Variants in DHRSX observed in about 807,000 individuals in gnomAD.
DHRSX encodes polyprenol dehydrogenase.
In DHRSX, 31 loss-of-function variants were observed where a neutral mutation model predicts 34.0. The observed-to-expected ratio is 0.91, with a 90% CI of 0.69 to 1.23. The LOEUF is 1.23. Ranked by LOEUF, DHRSX falls within the 50% of genes most tolerant of loss-of-function variation. The pLI is 0.00. For synonymous variants in DHRSX, 201 were observed against 183.8 expected, an observed-to-expected ratio of 1.09 and a Z score of -0.76; for missense variants, 414 against 428.1, an observed-to-expected ratio of 0.97 and a Z score of 0.29.
chrX:2,398,704 G>A (rs2043445001), intron 3 of DHRSX, among the ~76,000 whole-genome samples: 1 of 133,880 alleles, frequency 7.5e-6, no homozygotes, highest in South Asian at 2.3e-4. Context: ...GACTCTCGCT[G>A]TGTCACCTAG....
chrX:2,380,814 G>T (rs28392690), intron 3 of DHRSX, among the ~76,000 whole-genome samples: 1 of 152,098 alleles, frequency 6.6e-6, no homozygotes, highest in African/African-American at 2.4e-5. Context: ...GTGTCCTCTC[G>T]AAATCCCCAT....
At chrX:2,285,275 T>C (rs1164499596) in intron 4 of DHRSX, among the ~76,000 whole-genome samples, 1 of 152,190 alleles carries the variant, frequency 6.6e-6, no homozygotes, top group Non-Finnish European at 1.5e-5. Context: ...TGAGCTTGTT[T>C]TCCTGTGACT....
chrX:2,301,796 G>T (rs763614920), intron 3 of DHRSX, among the ~76,000 whole-genome samples: 1 of 151,990 alleles, frequency 6.6e-6, no homozygotes, highest in African/African-American at 2.4e-5. Flanking sequence ...CCGCCACCAC[G>T]CCTGGCTAAT....
At chrX:2,371,287 T>C (rs2043058508) in intron 3 of DHRSX, among the ~76,000 whole-genome samples, 1 of 148,428 alleles carries the variant, frequency 6.7e-6, no homozygotes, top group African/African-American at 2.5e-5. Context: ...TCTGTTACCA[T>C]AGTCCCTCCT....
intron 6 of DHRSX, among the ~76,000 whole-genome samples, chrX:2,237,755 CA>C (rs1195979238): frequency 6.6e-6 from 1 of 152,096 alleles, no homozygotes; most frequent in Non-Finnish European, 1.5e-5. Context: ...TCCTCCCCCT[CA>C]GCCTCCCAAA....
intron 5 of DHRSX, among the ~76,000 whole-genome samples, chrX:2,257,957 G>A (rs1445542533): frequency 6.6e-6 from 1 of 152,096 alleles, no homozygotes; most frequent in Non-Finnish European, 1.5e-5. Flanking sequence ...TGCGATTCAG[G>A]TAAAATGAGG....
At chrX:2,270,832 C>T (rs1161428687) in intron 4 of DHRSX, among the ~76,000 whole-genome samples, 1 of 152,096 alleles carries the variant, frequency 6.6e-6, no homozygotes, top group African/African-American at 2.4e-5. Flanking sequence ...TAAAATGGAC[C>T]ATTCAGCAGT....
chrX:2,226,113 T>C (rs1200517406), intron 6 of DHRSX, among the ~76,000 whole-genome samples: 2 of 152,104 alleles, frequency 1.3e-5, no homozygotes, highest in Non-Finnish European at 2.9e-5. Context: ...GCCCAGTCTA[T>C]GGGACGTCAG....
At chrX:2,249,681 G>A (rs1050279330) in intron 5 of DHRSX, among the ~76,000 whole-genome samples, 25 of 151,068 alleles carry the variant, frequency 1.7e-4, no homozygotes, top group Non-Finnish European at 2.5e-4. Context: ...CTACCATCAC[G>A]CCCAGCTAAT....
intron 1 of DHRSX, chrX:2,489,177 G>A: frequency 6.2e-7 from 1 of 1,613,592 alleles, no homozygotes; most frequent in Non-Finnish European, 8.5e-7. Flanking sequence ...TCCTCAGCCG[G>A]CCGGTAGCCG....
chrX:2,464,175 G>A (rs2044445992), intron 1 of DHRSX, among the ~76,000 whole-genome samples: 1 of 142,038 alleles, frequency 7.0e-6, no homozygotes, highest in Admixed American at 6.9e-5. Context: ...AGAGATGGCA[G>A]ACGTTTCCTA....
chrX:2,343,542 A>C (rs2042665855), intron 3 of DHRSX, among the ~76,000 whole-genome samples: 1 of 152,218 alleles, frequency 6.6e-6, no homozygotes, highest in South Asian at 2.1e-4. Context: ...CTCTGTGGTC[A>C]TGAAAGAACA....
intron 1 of DHRSX, among the ~76,000 whole-genome samples, chrX:2,480,706 C>A (rs1353897493): frequency 6.6e-6 from 1 of 152,006 alleles, no homozygotes; most frequent in Non-Finnish European, 1.5e-5. Flanking sequence ...GTAGTCCCAG[C>A]TACCTGGGAG....
intron 1 of DHRSX, among the ~76,000 whole-genome samples, chrX:2,478,874 C>T (rs2044723976): frequency 6.6e-6 from 1 of 152,054 alleles, no homozygotes; most frequent in Non-Finnish European, 1.5e-5. Context: ...CCACGGTGTA[C>T]ACACTGAAGA....
rs1419320211 is a variant in DHRSX at position 2,271,424 on chromosome X, A to G, written c.389-4477T>C. The stretch of plus-strand genomic sequence containing the variant: ...AGGCCTGTGGCCTGCTGAAATCCTC[A>G]GGGAGAAATGAGCAGACTGTTCAGG... On this transcript the variant is annotated intron_variant, in intron 4 of 6. Coordinates refer to ENST00000334651, the MANE Select transcript of DHRSX (RefSeq NM_145177.3). Among the ~76,000 whole-genome samples, 4 of 152,238 alleles carry G rather than the reference A, an allele frequency of 2.6e-5. No homozygotes were observed. The East Asian group carries it at 7.7e-4, about 29-fold the overall frequency.
At chrX:2,349,996 G>A (rs1028169418) in intron 3 of DHRSX, among the ~76,000 whole-genome samples, 36 of 151,620 alleles carry the variant, frequency 2.4e-4, no homozygotes, top group Admixed American at 4.6e-4. Flanking sequence ...CCGAGATCGC[G>A]CCACTGCACT....
chrX:2,486,188 G>A (rs978404126), intron 1 of DHRSX, among the ~76,000 whole-genome samples: 143 of 152,124 alleles, frequency 9.4e-4, no homozygotes, highest in African/African-American at 3.0e-3. Context: ...ACCAGCTGCC[G>A]GCTTTATTCA....
intron 3 of DHRSX, among the ~76,000 whole-genome samples, chrX:2,315,665 AC>A (rs2042233646): frequency 1.3e-5 from 2 of 151,874 alleles, no homozygotes; most frequent in Admixed American, 1.3e-4. Context: ...AAAAAACAAC[AC>A]CCCTTTATGA....
intron 3 of DHRSX, among the ~76,000 whole-genome samples, chrX:2,303,969 G>A (rs2042055948): frequency 7.4e-6 from 1 of 135,540 alleles, no homozygotes. Context: ...GGATACATGA[G>A]AGGATGGGTG....
Sources: gnomAD v4.1 joint callset for allele counts (sites outside exome capture counted in the v4.1 genomes callset) on GRCh38, gnomAD v4.1.1 for gene constraint, MANE v1.5 for transcripts, NCBI Gene and HGNC (gene_info 2026-07-23, HGNC 2026-07-21) for gene names.